The following ZNF417 variants were observed in gnomAD, a reference collection of about 807,000 sequenced individuals.
ZNF417 encodes the protein zinc finger protein 417.
ZNF417 carries 5 observed loss-of-function variants against 7.4 expected under a neutral mutation model. The ratio of observed to expected loss-of-function variants is 0.68; its 90% confidence interval spans 0.35 to 1.43. ZNF417 has a LOEUF of 1.43. ZNF417 is among the 40% of genes most tolerant of loss of function. The pLI is 0.04. For missense variants in ZNF417, 437 were observed against 697.3 expected (o/e 0.63, Z 4.20); for synonymous variants, 147 against 239.1 (o/e 0.61, Z 3.55).
In ZNF417 at chr19:57,908,863, A is replaced by T. The variant is rs765962716; in HGVS notation, c.1415T>A (p.Leu472Ter). 6 of 1,613,660 alleles carry T rather than the reference A, an allele frequency of 3.7e-6. No individual in the cohort carries two copies. In the Admixed American group the frequency reaches 6.7e-5, roughly 18 times the overall value. Residue 472 changes from leucine to a stop codon, truncating the protein, a stop_gained, in exon 3 of 3, where the codon TTA becomes TAA. Transcript: ENST00000312026. LOFTEE classifies it low-confidence loss of function (END_TRUNC). ...RPYACEVCGK[L>*]FGNKNCVTIH... is the part of the protein sequence containing the mutation. ...AGTCACGCAGTTCTTATTACCAAAT[A>T]ATTTCCCACATACCTCACACGCATA...
chr19:57,913,179 C>A (rs1411909413), intron 1 of ZNF417, among the ~76,000 whole-genome samples: 1 of 152,034 alleles, frequency 6.6e-6, no homozygotes. Context: ...CAAAGTGACA[C>A]ATCATATTGG....
intron 2 of ZNF417, among the ~76,000 whole-genome samples, chr19:57,911,261 CA>C (rs368025247): frequency 5.8e-4 from 89 of 152,260 alleles, no homozygotes; most frequent in African/African-American, 1.8e-3. Context: ...TGAAAAGGTA[CA>C]GAACTAACAC....
At position 57,910,048 on chromosome 19, in the gene ZNF417, G is replaced by A. The variant is rs1162145388; in HGVS notation, c.230C>T (p.Ser77Phe). The A allele has an allele frequency of 6.5e-7, 1 of 1,537,052 alleles. No individual in the cohort carries two copies. Among genetic ancestry groups the A allele is most frequent in the African/African-American group, 1.4e-5 (1 of 71,420 alleles). ...CKQRISVQRE[S>F]QSRTPRAGVS... ...ACCTGCCCTAGGAGTCCTGCTCTGA[G>A]ACTCTCTTTGTACAGAAATTCTCTG... Residue 77 changes from serine (S) to phenylalanine (F), a missense_variant, in exon 3 of 3, where the codon TCT (serine) becomes TTT (phenylalanine). Around this residue, in one of 5 missense-constraint regions of ZNF417, gnomAD observed 60 missense variants for 266.0 expected, o/e 0.23. Coordinates refer to ENST00000312026, the MANE Select transcript of ZNF417 (RefSeq NM_152475.3).
rs563284934 is a variant in ZNF417, at chr19:57,910,734, AC to A, written c.164-621del. 1.5e-3 allele frequency among the ~76,000 whole-genome samples: 229 copies of A among 151,472 alleles called. 2 individuals are homozygous for A. The Middle Eastern group carries it at 0.017, about 11-fold the overall frequency. On this transcript the variant is annotated intron_variant, in intron 2 of 2. Transcript: ENST00000312026. ...GTGTACGGGACCTTATCTCCTAATG[AC>A]ATGTGAGTGCTATGTAGAAGCATAT...
At position 57,916,508 on chromosome 19, in the gene ZNF417, T is replaced by A; in HGVS notation, c.-97A>T. Reference sequence around the variant, plus strand: ...CCGAGGACGATTCCTCTCCACCTTCTAGGTTCAGTCACCGCGGTCCCCCCC... The same window carrying A: ...CCGAGGACGATTCCTCTCCACCTTCAAGGTTCAGTCACCGCGGTCCCCCCC... On this transcript the variant is annotated 5_prime_UTR_variant, in exon 1 of 3. Transcript: ENST00000312026. 1 of 1,600,532 alleles carries A rather than the reference T, an allele frequency of 6.2e-7. No individual in the cohort carries two copies. The highest frequency in any genetic ancestry group is 1.1e-5 in the South Asian group (1 of 89,880).
rs2071849561 is a variant in ZNF417 at position 57,907,869 on chromosome 19, G to C, written c.*681C>G. Reference sequence around the variant, plus strand: ...AGTGAGGAAATTAGTTAATGTGGATGAATGACGTTACCCATGGAGAATGAA... The same window carrying C: ...AGTGAGGAAATTAGTTAATGTGGATCAATGACGTTACCCATGGAGAATGAA... On this transcript the variant is annotated 3_prime_UTR_variant, in exon 3 of 3. Transcript: ENST00000312026. The C allele has an allele frequency of 6.6e-6, 1 of 152,618 alleles. No homozygotes were observed. Among genetic ancestry groups the C allele is most frequent in the African/African-American group, 2.4e-5 (1 of 41,450 alleles). The allele number at this position is 152,618 out of a possible 1,614,324, so 9.5% of individuals were successfully genotyped here.
At position 57,909,209 on chromosome 19, in the gene ZNF417, A is replaced by G; in HGVS notation, c.1069T>C (p.Cys357Arg). The change falls in exon 3 of 3, where the codon TGT (cysteine) becomes CGT (arginine). Residue 357 changes from cysteine to arginine, a missense_variant. This residue lies in a region of ZNF417 where 53 missense variants were observed against 91.9 expected (regional missense o/e 0.58). Transcript: ENST00000312026. Reference protein sequence around the residue: ...TGERAYHCGECGKSFRQKFCF... With the variant: ...TGERAYHCGERGKSFRQKFCF... Reference sequence around the variant, plus strand: ...AACTTCTGACGAAAAGATTTCCCACATTCCCCACAGTGATAAGCTCTCTCT... The same window carrying G: ...AACTTCTGACGAAAAGATTTCCCACGTTCCCCACAGTGATAAGCTCTCTCT... 1.2e-6 allele frequency: 2 copies of G among 1,614,156 alleles called. No individual in the cohort carries two copies. The highest frequency in any genetic ancestry group is 1.7e-6 in the Non-Finnish European group (2 of 1,179,990).
At chr19:57,915,543 A>T in intron 1 of ZNF417, 2 of 436,394 alleles carry the variant, frequency 4.6e-6, no homozygotes, top group Non-Finnish European at 8.3e-6. Flanking sequence ...TGAGGAAATT[A>T]TGACAGTGAA....
In ZNF417 at chr19:57,915,739, G is replaced by A. The variant is rs1380851187; in HGVS notation, c.33+640C>T. On this transcript the variant is annotated intron_variant, in intron 1 of 2. Transcript: ENST00000312026. The stretch of plus-strand genomic sequence containing the variant: ...CCTGGAGAACAGCCTGCCTTTGCAG[G>A]ACTAACGAATTAGCTACAAGGTTAG... 3.2e-5 allele frequency: 13 copies of A among 408,050 alleles called. No homozygotes were observed. In the East Asian group the frequency reaches 3.9e-4, roughly 12 times the overall value. 25.3% of individuals were successfully genotyped at this position (408,050 alleles called of 1,614,324 possible).
chr19:57,915,304 A>C lies in ZNF417; in HGVS notation c.33+1075T>G, dbSNP rs1288513204. On this transcript the variant is annotated intron_variant, in intron 1 of 2. Coordinates refer to ENST00000312026, the MANE Select transcript of ZNF417 (RefSeq NM_152475.3). ...TGGATTTGGATCATGTCCCTCCTTT[A>C]TTCAAAACTCTCCATGGCTTCTAGC... is the stretch of plus-strand genomic sequence containing the variant. 2.1e-5 allele frequency: 4 copies of C among 187,038 alleles called. No individual in the cohort carries two copies. In the South Asian group the frequency reaches 3.9e-4, roughly 18 times the overall value. 11.6% of individuals were successfully genotyped at this position (187,038 alleles called of 1,614,324 possible). A position where few individuals can be genotyped will look rare whatever the true frequency, so the allele number is the denominator to read the frequency against.
In ZNF417 at chr19:57,909,199, G is replaced by A; in HGVS notation, c.1079C>T (p.Ser360Phe). ...AATAAAGCAGAACTTCTGACGAAAA[G>A]ATTTCCCACATTCCCCACAGTGATA... Reference protein sequence around the residue: ...RAYHCGECGKSFRQKFCFINH... With the variant: ...RAYHCGECGKFFRQKFCFINH... The change falls in exon 3 of 3, where the codon TCT becomes TTT. Residue 360 changes from serine (S) to phenylalanine (F), a missense_variant. Around this residue, in one of 5 missense-constraint regions of ZNF417, gnomAD observed 53 missense variants for 91.9 expected, o/e 0.58. Transcript: ENST00000312026. The A allele has an allele frequency of 6.2e-7, 1 of 1,614,052 alleles. No individual in the cohort carries two copies. The highest frequency in any genetic ancestry group is 8.5e-7 in the Non-Finnish European group (1 of 1,179,912).
chr19:57,912,375 A>G (rs1204422681), intron 1 of ZNF417, among the ~76,000 whole-genome samples, 186 bp from the exon 2 acceptor site: 4 of 152,180 alleles, frequency 2.6e-5, no homozygotes, highest in Admixed American at 1.3e-4. Context: ...ATAAGCAGTA[A>G]GTGGACAAAT....
chr19:57,915,606 G>A (rs564804228), intron 1 of ZNF417: 44 of 380,688 alleles, frequency 1.2e-4, no homozygotes, highest in African/African-American at 6.3e-4. Flanking sequence ...AGCTGTCCTT[G>A]TTCATTCCTG....
chr19:57,911,269 A>C (rs1386165596), intron 2 of ZNF417, among the ~76,000 whole-genome samples: 1 of 152,186 alleles, frequency 6.6e-6, no homozygotes, highest in Non-Finnish European at 1.5e-5. Flanking sequence ...TACAGAACTA[A>C]CACGTGTGAA....
In ZNF417 at chr19:57,909,446, T is replaced by G. The variant is rs1218065721; in HGVS notation, c.832A>C (p.Ser278Arg). 1 of 1,613,876 alleles carries G rather than the reference T, an allele frequency of 6.2e-7. No individual in the cohort carries two copies. Among genetic ancestry groups the G allele is most frequent in the East Asian group, 2.2e-5 (1 of 44,876 alleles). ...TGTTGAATAAGGCTGCTCTTTCGAC[T>G]ATAAGATTTCCCACACTCTCCACAA... The part of the protein sequence containing the change: ...YDCGECGKSY[S>R]RKSSLIQHQR... The change falls in exon 3 of 3, where the codon AGT (serine) becomes CGT (arginine). Residue 278 changes from serine (S) to arginine (R), a missense_variant. Physicochemically the swap from Ser to Arg is moderately radical, Grantham distance 110. Coordinates refer to ENST00000312026, the MANE Select transcript of ZNF417 (RefSeq NM_152475.3).
chr19:57,915,640 G>A (rs2071941039), intron 1 of ZNF417: 2 of 373,904 alleles, frequency 5.3e-6, no homozygotes, highest in Non-Finnish European at 9.5e-6. Flanking sequence ...TTAACTTAGG[G>A]AAGGAATTCA....
At chr19:57,915,126 C>A (rs532626053) in intron 1 of ZNF417, among the ~76,000 whole-genome samples, 16 of 152,278 alleles carry the variant, frequency 1.1e-4, no homozygotes, top group East Asian at 5.8e-4. Flanking sequence ...GGTAACCCTA[C>A]GGCTGGTTGT....
intron 1 of ZNF417, among the ~76,000 whole-genome samples, chr19:57,913,767 A>G (rs552417480): frequency 1.3e-5 from 2 of 152,204 alleles, no homozygotes; most frequent in East Asian, 3.9e-4. Context: ...ACACCCTCTC[A>G]GGTGTTTAGG....
Position 57,908,906 on chromosome 19 carries a change from G to A in ZNF417, c.1372C>T (p.His458Tyr), listed in dbSNP as rs756414626. ...CACGCATATGGCCTTTCTCCAGTGT[G>A]AACTCTCTCATGAACGAGAAGATGA... ...KYHLLVHERV[H>Y]TGERPYACEV... Residue 458 changes from histidine (H) to tyrosine (Y), a missense_variant, in exon 3 of 3, where the codon CAC becomes TAC. His to Tyr is a moderately conservative substitution (Grantham distance 83, BLOSUM62 2). Coordinates refer to ENST00000312026, the MANE Select transcript of ZNF417 (RefSeq NM_152475.3). The A allele has an allele frequency of 1.1e-5, 18 of 1,614,020 alleles. No individual in the cohort carries two copies. Among genetic ancestry groups the A allele is most frequent in the Non-Finnish European group, 1.3e-5 (15 of 1,179,922 alleles).
Sources: allele counts gnomAD v4.1 joint callset (sites outside exome capture counted in the v4.1 genomes callset), GRCh38; gene constraint gnomAD v4.1.1; regional missense constraint gnomAD v4.1.1; transcripts MANE v1.5; gene names NCBI Gene and HGNC (gene_info 2026-07-23, HGNC 2026-07-21).